The following EIF4EBP3 variants were observed in gnomAD, a reference collection of about 807,000 sequenced individuals.
EIF4EBP3 encodes eukaryotic translation initiation factor 4E binding protein 3.
EIF4EBP3 carries 11 observed loss-of-function variants against 12.1 expected under a neutral mutation model. The ratio of observed to expected loss-of-function variants is 0.91; its 90% CI spans 0.57 to 1.51. The LOEUF is 1.51. Ranked by LOEUF, EIF4EBP3 falls within the 40% of genes most tolerant of loss-of-function variation. The pLI, the probability that EIF4EBP3 is intolerant of heterozygous loss-of-function variation, is 0.00. For synonymous variants in EIF4EBP3, 43 were observed against 54.2 expected (o/e 0.79, Z 0.91); for missense variants, 136 against 131.8 (o/e 1.03, Z -0.16).
chr5:140,549,274 T>C lies in EIF4EBP3; in HGVS notation c.*12T>C. Reference sequence around the variant, plus strand: ...AAATGGACATCTAATCCAGTGCAGATGACCTGGCATGTGGAGTTACAGAGG... The same window carrying C: ...AAATGGACATCTAATCCAGTGCAGACGACCTGGCATGTGGAGTTACAGAGG... On this transcript the variant is annotated 3_prime_UTR_variant, in exon 3 of 3. Transcript: ENST00000310331. 6.2e-7 allele frequency: 1 copy of C among 1,614,176 alleles called. No homozygotes were observed. The highest frequency in any genetic ancestry group is 1.1e-5 in the South Asian group (1 of 91,086).
In EIF4EBP3 at chr5:140,549,544, A is replaced by C. The variant is rs934427329; in HGVS notation, c.*282A>C. 2 of 518,008 alleles carry C rather than the reference A, an allele frequency of 3.9e-6. No homozygotes were observed. The highest frequency in any genetic ancestry group is 7.0e-6 in the Non-Finnish European group (2 of 284,900). 32.1% of individuals were successfully genotyped at this position (518,008 alleles called of 1,614,324 possible). On this transcript the variant is annotated 3_prime_UTR_variant, in exon 3 of 3. Coordinates refer to ENST00000310331, the MANE Select transcript of EIF4EBP3 (RefSeq NM_003732.3). ...CTGGAACTGGGGAATGGAGTAAGTC[A>C]CCTTCTGACTGCTTAGTAAACATTC...
chr5:140,549,438 G>C lies in EIF4EBP3; in HGVS notation c.*176G>C. The C allele has an allele frequency of 2.9e-6, 3 of 1,026,764 alleles. No individual in the cohort carries two copies. In the South Asian group the frequency reaches 4.3e-5, roughly 15 times the overall value. The allele number at this position is 1,026,764 out of a possible 1,614,324, so 63.6% of individuals were successfully genotyped here. A position where few individuals can be genotyped will look rare whatever the true frequency, so the allele number is the denominator to read the frequency against. On this transcript the variant is annotated 3_prime_UTR_variant, in exon 3 of 3. Transcript: ENST00000310331. ...GGCAGCTAGACCAGGGATAGGAGTG[G>C]GCAACTTGCCAAGCCCTTAACTCTA... is the stretch of plus-strand genomic sequence containing the variant.
At chr5:140,547,960 T>C (rs1754419233) in intron 1 of EIF4EBP3, 120 bp downstream of exon 1, 1 of 788,192 alleles carries the variant, frequency 1.3e-6, no homozygotes, top group African/African-American at 1.8e-5. Flanking sequence ...CTACAGGTTG[T>C]AGCTTTGGGG....
chr5:140,548,703 T>C (rs561955744), intron 1 of EIF4EBP3, among the ~76,000 whole-genome samples: 10 of 152,218 alleles, frequency 6.6e-5, no homozygotes, highest in Admixed American at 3.9e-4. Context: ...TATACCCACA[T>C]CTTGGTTAGG....
Position 140,549,037 on chromosome 5 carries a change from GAGGAGCTGA to G in EIF4EBP3, c.242_250del (p.Leu81_Glu83del). On this transcript the variant is annotated inframe_deletion, in exon 2 of 3. Coordinates refer to ENST00000310331, the MANE Select transcript of EIF4EBP3 (RefSeq NM_003732.3). Reference sequence around the variant, plus strand: ...TCCAACAGCCCCTCTCTCCAAGCTGGAGGAGCTGAAGGAGCAGGAGACAGAGGAAGAGAT... The same window carrying G: ...TCCAACAGCCCCTCTCTCCAAGCTGGAGGAGCAGGAGACAGAGGAAGAGAT... 4 of 1,612,116 alleles carry G rather than the reference GAGGAGCTGA, an allele frequency of 2.5e-6. No individual in the cohort carries two copies. The highest frequency in any genetic ancestry group is 3.4e-6 in the Non-Finnish European group (4 of 1,178,152).
chr5:140,548,938 C>A lies in EIF4EBP3; in HGVS notation c.136C>A (p.Leu46Met). ...GATCATCTACGACCGAAAGTTCCTG[C>A]TGGAGTGCAAGAACTCACCCATTGC... ...TRIIYDRKFL[L>M]ECKNSPIART... The change falls in exon 2 of 3, where the codon CTG becomes ATG. Residue 46 changes from leucine (L) to methionine (M), a missense_variant. By Grantham distance (15) the Leu-to-Met change is conservative. Transcript: ENST00000310331. The A allele has an allele frequency of 6.2e-7, 1 of 1,614,044 alleles. No individual in the cohort carries two copies. The highest frequency in any genetic ancestry group is 1.1e-5 in the South Asian group (1 of 91,080).
In EIF4EBP3 at chr5:140,547,686, C is replaced by T. The variant is rs1754410703; in HGVS notation, c.-52C>T. The T allele has an allele frequency of 6.1e-6, 9 of 1,484,744 alleles. No individual in the cohort carries two copies. The highest frequency in any genetic ancestry group is 6.0e-5 in the Admixed American group (3 of 49,910). The allele number at this position is 1,484,744 out of a possible 1,614,324, so 92.0% of individuals were successfully genotyped here. ...TGAGTCCGCCTCAGACTCAGAGCTG[C>T]GCTCCTCGACCTCAACGCCAGGCGG... On this transcript the variant is annotated 5_prime_UTR_variant, in exon 1 of 3. Coordinates refer to ENST00000310331, the MANE Select transcript of EIF4EBP3 (RefSeq NM_003732.3).
Position 140,549,081 on chromosome 5 carries a change from G to A in EIF4EBP3, c.274+5G>A, listed in dbSNP as rs2127113395. ...AGACAGAGGAAGAGATACCCGGTAAGGAAAGCAGGAATTAAGAATTGTCCC... is the reference window on the plus strand; with the variant it reads ...AGACAGAGGAAGAGATACCCGGTAAAGAAAGCAGGAATTAAGAATTGTCCC... On this transcript the variant is annotated splice_donor_5th_base_variant and intron_variant, in intron 2 of 2. Coordinates refer to ENST00000310331, the MANE Select transcript of EIF4EBP3 (RefSeq NM_003732.3). 3 of 1,614,058 alleles carry A rather than the reference G, an allele frequency of 1.9e-6. No homozygotes were observed. In the East Asian group the frequency reaches 6.7e-5, roughly 36 times the overall value.
At position 140,549,088 on chromosome 5, in the gene EIF4EBP3, A is replaced by G; in HGVS notation, c.274+12A>G. ...GGAAGAGATACCCGGTAAGGAAAGC[A>G]GGAATTAAGAATTGTCCCAGCCTTT... is the stretch of plus-strand genomic sequence containing the variant. On this transcript the variant is annotated intron_variant, in intron 2 of 2. Transcript: ENST00000310331. 2 of 1,614,058 alleles carry G rather than the reference A, an allele frequency of 1.2e-6. No homozygotes were observed. The highest frequency in any genetic ancestry group is 1.7e-6 in the Non-Finnish European group (2 of 1,179,900).
At chr5:140,548,215 C>T (rs1188685152) in intron 1 of EIF4EBP3, among the ~76,000 whole-genome samples, 1 of 152,208 alleles carries the variant, frequency 6.6e-6, no homozygotes, top group Non-Finnish European at 1.5e-5. Context: ...ACAGTTGGGG[C>T]AGTTGCTCCG....
intron 1 of EIF4EBP3, 96 bp downstream of exon 1, chr5:140,547,936 G>A (rs1327005278): frequency 4.0e-6 from 4 of 1,001,304 alleles, no homozygotes; most frequent in Non-Finnish European, 2.7e-6. Flanking sequence ...CCTAAGACTT[G>A]TCCGCAGGCC....
rs1419740009 is a variant in EIF4EBP3 at position 140,548,995 on chromosome 5, C to G, written c.193C>G (p.Pro65Ala). The part of the protein sequence containing the change: ...RTPPCCLPQI[P>A]GVTTPPTAPL... ...ACCCCCCTGCTGCCTCCCTCAGATT[C>G]CCGGGGTCACAACTCCTCCAACAGC... Residue 65 changes from proline (P) to alanine (A), a missense_variant, in exon 2 of 3, where the codon CCC becomes GCC. Pro to Ala is a conservative substitution (Grantham distance 27). Transcript: ENST00000310331. The G allele has an allele frequency of 3.7e-6, 6 of 1,614,166 alleles. No homozygotes were observed. In the East Asian group the frequency reaches 1.1e-4, roughly 30 times the overall value.
chr5:140,549,157 A>G (rs2127113521), intron 2 of EIF4EBP3, 77 bp from the exon 3 acceptor site: 3 of 1,614,220 alleles, frequency 1.9e-6, no homozygotes, highest in East Asian at 4.5e-5. Flanking sequence ...TTCAGTTCCA[A>G]GAGGGGTTTC....
Position 140,549,037 on chromosome 5 carries a change from G to T in EIF4EBP3, c.235G>T (p.Glu79Ter), listed in dbSNP as rs1322748167. 2.5e-6 allele frequency: 4 copies of T among 1,611,998 alleles called. No homozygotes were observed. The highest frequency in any genetic ancestry group is 3.4e-6 in the Non-Finnish European group (4 of 1,178,160). Residue 79 changes from glutamate to a stop codon, truncating the protein, a stop_gained, in exon 2 of 3, where the codon GAG becomes TAG. Coordinates refer to ENST00000310331, the MANE Select transcript of EIF4EBP3 (RefSeq NM_003732.3). LOFTEE classifies it high-confidence loss of function. ...TCCAACAGCCCCTCTCTCCAAGCTG[G>T]AGGAGCTGAAGGAGCAGGAGACAGA... ...TPPTAPLSKL[E>*]ELKEQETEEE... is the part of the protein sequence containing the mutation.
At chr5:140,548,787 A>C in intron 1 of EIF4EBP3, 119 bp from the exon 2 acceptor site, 1 of 1,385,438 alleles carries the variant, frequency 7.2e-7, no homozygotes, top group Non-Finnish European at 9.7e-7. Flanking sequence ...ATGTCCTTTG[A>C]TACACAGGGA....
chr5:140,548,918 T>A lies in EIF4EBP3; in HGVS notation c.116T>A (p.Ile39Asn), dbSNP rs1444550786. ...AACCCCTTGACAGGCACCAGGATCA[T>A]CTACGACCGAAAGTTCCTGCTGGAG... ...YATTPGGTRI[I>N]YDRKFLLECK... The change falls in exon 2 of 3, where the codon ATC becomes AAC. Residue 39 changes from isoleucine (I) to asparagine (N), a missense_variant. Physicochemically the swap from Ile to Asn is moderately radical, Grantham distance 149. Transcript: ENST00000310331. The A allele has an allele frequency of 6.2e-7, 1 of 1,613,534 alleles. No homozygotes were observed. The highest frequency in any genetic ancestry group is 1.3e-5 in the African/African-American group (1 of 74,866).
At chr5:140,548,774 C>G (rs2127112834) in intron 1 of EIF4EBP3, 132 bp from the exon 2 acceptor site, 1 of 1,285,810 alleles carries the variant, frequency 7.8e-7, no homozygotes, top group Non-Finnish European at 1.1e-6. Context: ...GGCTTCAGAG[C>G]CGATGTCCTT....
Position 140,548,899 on chromosome 5 carries a change from T to C in EIF4EBP3, c.104-7T>C. 1 of 1,611,846 alleles carries C rather than the reference T, an allele frequency of 6.2e-7. No homozygotes were observed. Among genetic ancestry groups the C allele is most frequent in the Non-Finnish European group, 8.5e-7 (1 of 1,178,736 alleles). ...TGACTCTTACCTCAGTCCCAACCCC[T>C]TGACAGGCACCAGGATCATCTACGA... On this transcript the variant is annotated splice_polypyrimidine_tract_variant and splice_region_variant and intron_variant, in intron 1 of 2. Coordinates refer to ENST00000310331, the MANE Select transcript of EIF4EBP3 (RefSeq NM_003732.3).
intron 1 of EIF4EBP3, among the ~76,000 whole-genome samples, chr5:140,548,414 C>G (rs1754435765): frequency 6.6e-6 from 1 of 152,194 alleles, no homozygotes; most frequent in African/African-American, 2.4e-5. Context: ...TGGGAGGGGT[C>G]AGGATTAGAA....
Sources: allele counts gnomAD v4.1 joint callset (sites outside exome capture counted in the v4.1 genomes callset), GRCh38; gene constraint gnomAD v4.1.1; transcripts MANE v1.5; gene names NCBI Gene and HGNC (gene_info 2026-07-23, HGNC 2026-07-21).